Variants in CACNA1D observed in about 807,000 individuals in gnomAD.
CACNA1D encodes calcium voltage-gated channel subunit alpha1 D, also known as voltage-dependent L-type calcium channel subunit alpha-1D.
CACNA1D carries 55 observed loss-of-function variants against 257.1 expected under a neutral mutation model. The observed-to-expected ratio is 0.21, with a 90% CI of 0.17 to 0.27. The LOEUF (loss-of-function observed/expected upper bound fraction) is 0.27, where lower values mean the gene tolerates loss of function less well. CACNA1D is among the 10% of genes least tolerant of loss of function. The probability of loss-of-function intolerance (pLI) is 1.00; values close to 1 mark genes in which losing one functional copy is unlikely to be tolerated. For missense variants in CACNA1D, 1,876 were observed against 2,784.0 expected, an observed-to-expected ratio of 0.67 and a Z score of 7.34; for synonymous variants, 980 against 1,014.9, an observed-to-expected ratio of 0.97 and a Z score of 0.65.
At chr3:53,690,986 A>G (rs1406882599) in intron 8 of CACNA1D, among the ~76,000 whole-genome samples, 2 of 152,192 alleles carry the variant, frequency 1.3e-5, no homozygotes, top group African/African-American at 4.8e-5. Flanking sequence ...GAATCTGACA[A>G]GTCTAGCAGA....
intron 9 of CACNA1D, among the ~76,000 whole-genome samples, chr3:53,716,044 T>C (rs1312561106): frequency 6.6e-6 from 1 of 152,240 alleles, no homozygotes; most frequent in Non-Finnish European, 1.5e-5. Flanking sequence ...TGTACCGATA[T>C]CAGCATGAGA....
chr3:53,665,970 A>G (rs1418701039), intron 6 of CACNA1D, among the ~76,000 whole-genome samples, 158 bp downstream of exon 6: 1 of 152,212 alleles, frequency 6.6e-6, no homozygotes, highest in Non-Finnish European at 1.5e-5. Flanking sequence ...AGCTATGTTC[A>G]GAATAGATGA....
chr3:53,763,679 C>G (rs2095316532), intron 30 of CACNA1D, among the ~76,000 whole-genome samples: 1 of 152,180 alleles, frequency 6.6e-6, no homozygotes, highest in South Asian at 2.1e-4. Flanking sequence ...CATCCTGGTG[C>G]CCAGACAGCC....
At position 53,774,544 on chromosome 3, in the gene CACNA1D, T is replaced by C; in HGVS notation, c.4111-43T>C. 1.7e-6 allele frequency: 2 copies of C among 1,205,118 alleles called. No homozygotes were observed. Among genetic ancestry groups the C allele is most frequent in the Non-Finnish European group, 2.5e-6 (2 of 806,448 alleles). The allele number at this position is 1,205,118 out of a possible 1,614,324, so 74.7% of individuals were successfully genotyped here. On this transcript the variant is annotated intron_variant, in intron 33 of 47. Coordinates refer to ENST00000350061, the MANE Select transcript of CACNA1D (RefSeq NM_001128840.3). This position sits in a 1 kb window ranked among gnomAD's most constrained non-coding sequence, Gnocchi z 4.3. ...AATTCACATACGGATTTTTTTTGCA[T>C]GACGAAATCTATTCTCTTTTTCCTG... is the stretch of plus-strand genomic sequence containing the variant.
intron 3 of CACNA1D, among the ~76,000 whole-genome samples, chr3:53,592,512 T>G (rs529726332): frequency 1.3e-5 from 2 of 152,160 alleles, no homozygotes; most frequent in African/African-American, 4.8e-5. Flanking sequence ...CAGGGGACAT[T>G]ATCTGATTTG....
intron 14 of CACNA1D, 56 bp from the exon 15 acceptor site, chr3:53,726,823 A>G: frequency 6.2e-7 from 1 of 1,613,712 alleles, no homozygotes; most frequent in Non-Finnish European, 8.5e-7. Flanking sequence ...GGGCTCTAAG[A>G]GAGCGGCTGC....
intron 45 of CACNA1D, chr3:53,807,719 G>A (rs1339232043): frequency 3.3e-5 from 5 of 152,344 alleles, no homozygotes; most frequent in Non-Finnish European, 7.3e-5. Flanking sequence ...CCCGGGCCTG[G>A]TGCCCTGTGA....
rs1431519563 is a variant in CACNA1D at position 53,734,091 on chromosome 3, C to G, written c.2621+1129C>G. Among the ~76,000 whole-genome samples the G allele has an allele frequency of 2.7e-5, 4 of 149,792 alleles. No homozygotes were observed. In the South Asian group the frequency reaches 8.5e-4, roughly 32 times the overall value. ...TATTTTCACCTAAAGCTACAAAGCA[C>G]TCCTGCCCTCACTAGCTTGGAAGTT... On this transcript the variant is annotated intron_variant, in intron 19 of 47. Coordinates refer to ENST00000350061, the MANE Select transcript of CACNA1D (RefSeq NM_001128840.3).
At chr3:53,574,766 A>C (rs887845461) in intron 3 of CACNA1D, among the ~76,000 whole-genome samples, 1 of 151,872 alleles carries the variant, frequency 6.6e-6, no homozygotes, top group Non-Finnish European at 1.5e-5. Flanking sequence ...AATTACACAC[A>C]CACACCCAAC....
intron 22 of CACNA1D, among the ~76,000 whole-genome samples, chr3:53,743,498 A>T (rs1211606719): frequency 6.6e-6 from 1 of 152,230 alleles, no homozygotes; most frequent in Non-Finnish European, 1.5e-5. Context: ...GGCTGGGACC[A>T]GGTGGCCTTT....
intron 3 of CACNA1D, among the ~76,000 whole-genome samples, chr3:53,581,266 C>A (rs1263304794): frequency 6.6e-6 from 1 of 152,126 alleles, no homozygotes; most frequent in South Asian, 2.1e-4. Context: ...ACCCTGAGAG[C>A]TGAGGGTGTC....
chr3:53,731,896 A>C (rs960401798), intron 17 of CACNA1D, 120 bp from the exon 18 acceptor site: 5 of 753,566 alleles, frequency 6.6e-6, no homozygotes, highest in Non-Finnish European at 1.2e-5. Context: ...GCACACTCAA[A>C]TACAGATGCA....
chr3:53,773,025 C>T, intron 33 of CACNA1D, 127 bp downstream of exon 33: 1 of 822,458 alleles, frequency 1.2e-6, no homozygotes. Flanking sequence ...CTGCTGAAGC[C>T]TAGGAAGATG....
At chr3:53,711,741 G>A (rs1037821470) in intron 9 of CACNA1D, among the ~76,000 whole-genome samples, 3 of 152,214 alleles carry the variant, frequency 2.0e-5, no homozygotes, top group African/African-American at 4.8e-5. Flanking sequence ...TCTGAAGAGG[G>A]TTATATTAGA....
intron 3 of CACNA1D, among the ~76,000 whole-genome samples, chr3:53,596,086 A>C (rs1404009537): frequency 6.6e-6 from 1 of 152,156 alleles, no homozygotes; most frequent in Non-Finnish European, 1.5e-5. Flanking sequence ...ATTGGGATCC[A>C]TGGGGCTTTG....
At chr3:53,556,521 T>C (rs1191314519) in intron 3 of CACNA1D, among the ~76,000 whole-genome samples, 1 of 152,192 alleles carries the variant, frequency 6.6e-6, no homozygotes, top group African/African-American at 2.4e-5. Context: ...TTTCATGCGC[T>C]TATTTGCCAC....
chr3:53,510,246 G>A (rs2091051967), intron 3 of CACNA1D, among the ~76,000 whole-genome samples: 1 of 152,190 alleles, frequency 6.6e-6, no homozygotes, highest in Non-Finnish European at 1.5e-5. Flanking sequence ...CAGCGTGTGT[G>A]TACGTATGTA....
At chr3:53,744,145 TC>T (rs938351044) in intron 22 of CACNA1D, among the ~76,000 whole-genome samples, 5 of 151,498 alleles carry the variant, frequency 3.3e-5, no homozygotes, top group African/African-American at 1.2e-4. Flanking sequence ...GGAGCCCCCC[TC>T]CCTATTGTCC....
intron 3 of CACNA1D, among the ~76,000 whole-genome samples, chr3:53,572,730 T>C (rs1380521231): frequency 2.6e-5 from 4 of 152,312 alleles, no homozygotes; most frequent in Admixed American, 2.0e-4. Flanking sequence ...TCTCCACTTA[T>C]TTCTCTTTGT....
Sources: allele counts gnomAD v4.1 joint callset (sites outside exome capture counted in the v4.1 genomes callset), GRCh38; gene constraint gnomAD v4.1.1; non-coding constraint Gnocchi (gnomAD v3.1); transcripts MANE v1.5; gene names NCBI Gene and HGNC (gene_info 2026-07-23, HGNC 2026-07-21).